Variants in VPS13B observed in about 807,000 individuals in gnomAD.
The protein encoded by VPS13B is vacuolar protein sorting 13 homolog B.
A neutral mutation model predicts 426.4 loss-of-function variants in VPS13B; 285 were observed. That is an observed-to-expected ratio of 0.67 (90% confidence interval 0.61 to 0.74). The LOEUF (loss-of-function observed/expected upper bound fraction) is 0.74. Among genes scored for constraint, VPS13B ranks in the 30% least tolerant of loss-of-function variants. The pLI is 0.00. For missense variants in VPS13B, 4,537 were observed against 4,782.6 expected, an observed-to-expected ratio of 0.95 and a Z score of 1.51; for synonymous variants, 1,676 against 1,676.4, an observed-to-expected ratio of 1.00 and a Z score of 0.01.
At chr8:99,814,144 A>C (rs1195341682) in intron 44 of VPS13B, among the ~76,000 whole-genome samples, 1 of 152,180 alleles carries the variant, frequency 6.6e-6, no homozygotes, top group Admixed American at 6.5e-5. Flanking sequence ...CCATCTAAAA[A>C]TAGTGATAAT....
At chr8:99,578,408 GT>G (rs1825874845) in intron 33 of VPS13B, among the ~76,000 whole-genome samples, 1 of 152,112 alleles carries the variant, frequency 6.6e-6, no homozygotes, top group Non-Finnish European at 1.5e-5. Context: ...AGTCAGCACT[GT>G]TTCCATTCTG....
In VPS13B at chr8:99,147,873, C is replaced by A. The variant is rs1027919525; in HGVS notation, c.1876C>A (p.Pro626Thr). Residue 626 changes from proline (P) to threonine (T), a missense_variant, in exon 14 of 62, where the codon CCT (proline) becomes ACT (threonine). Pro to Thr is a conservative substitution (Grantham distance 38). Coordinates refer to ENST00000357162, the MANE Select transcript of VPS13B (RefSeq NM_152564.5). ...IKDENETILNPEEVALLEEYI... is the reference protein window; with the variant it reads ...IKDENETILNTEEVALLEEYI... ...GGATGAAAATGAAACAATACTGAAT[C>A]CTGAAGAGGTGGCTCTTCTGGAGGA... The A allele has an allele frequency of 2.5e-6, 4 of 1,604,652 alleles. No homozygotes were observed. The highest frequency in any genetic ancestry group is 2.2e-5 in the East Asian group (1 of 44,736).
chr8:99,023,344 T>G (rs1443031588), intron 2 of VPS13B, among the ~76,000 whole-genome samples: 12 of 152,198 alleles, frequency 7.9e-5, no homozygotes, highest in Non-Finnish European at 1.3e-4. Context: ...TATGCAATAT[T>G]TGTCTTTCTG....
chr8:99,036,093 T>C (rs1842733238), intron 2 of VPS13B, among the ~76,000 whole-genome samples: 1 of 152,164 alleles, frequency 6.6e-6, no homozygotes, highest in Non-Finnish European at 1.5e-5. Context: ...TTTTGTCCAT[T>C]TCATAGGTTG....
chr8:99,865,490 C>T (rs535176047), intron 58 of VPS13B, among the ~76,000 whole-genome samples: 6 of 152,320 alleles, frequency 3.9e-5, no homozygotes, highest in East Asian at 1.9e-4. Flanking sequence ...AACAGGCCTC[C>T]GCCAGGTGAA....
At chr8:99,409,451 G>A (rs971610910) in intron 21 of VPS13B, among the ~76,000 whole-genome samples, 3 of 152,102 alleles carry the variant, frequency 2.0e-5, no homozygotes, top group African/African-American at 7.2e-5. Flanking sequence ...TTACAGGCAT[G>A]AGCCACCATG....
At chr8:99,468,396 G>T (rs1819224579) in intron 24 of VPS13B, among the ~76,000 whole-genome samples, 1 of 151,946 alleles carries the variant, frequency 6.6e-6, no homozygotes, top group South Asian at 2.1e-4. Flanking sequence ...ACAAGATACA[G>T]CATGATTGGT....
chr8:99,545,014 G>C (rs895832967), intron 30 of VPS13B, among the ~76,000 whole-genome samples: 1 of 152,078 alleles, frequency 6.6e-6, no homozygotes, highest in African/African-American at 2.4e-5. Flanking sequence ...ATTCTGTTTG[G>C]CCTTTTTATT....
intron 22 of VPS13B, among the ~76,000 whole-genome samples, chr8:99,439,067 T>G (rs957143021): frequency 6.6e-6 from 1 of 152,134 alleles, no homozygotes; most frequent in African/African-American, 2.4e-5. Context: ...ATGAAATAGC[T>G]TGTCAAATAT....
chr8:99,814,998 T>TAACAGAGA (rs1813938376), intron 44 of VPS13B, among the ~76,000 whole-genome samples: 2 of 152,112 alleles, frequency 1.3e-5, no homozygotes, highest in Non-Finnish European at 2.9e-5. Context: ...TGTTAAATTT[T>TAACAGAGA]CTCTCTGTTA....
intron 22 of VPS13B, among the ~76,000 whole-genome samples, chr8:99,435,878 A>G (rs1817343552): frequency 6.6e-6 from 1 of 152,214 alleles, no homozygotes; most frequent in South Asian, 2.1e-4. Context: ...TGAGACATCC[A>G]GGTATGTATT....
intron 19 of VPS13B, among the ~76,000 whole-genome samples, chr8:99,281,766 T>C (rs1167242916): frequency 6.6e-6 from 1 of 152,198 alleles, no homozygotes; most frequent in African/African-American, 2.4e-5. Context: ...CAGAACAATG[T>C]CGTTTCTTGG....
At chr8:99,629,686 G>A (rs1828760415) in intron 33 of VPS13B, among the ~76,000 whole-genome samples, 1 of 152,122 alleles carries the variant, frequency 6.6e-6, no homozygotes, top group Non-Finnish European at 1.5e-5. Flanking sequence ...GTGAGGTGTG[G>A]GTTAAAGAGG....
chr8:99,784,268 T>A, intron 42 of VPS13B, 47 bp from the exon 43 acceptor site: 1 of 1,613,006 alleles, frequency 6.2e-7, no homozygotes, highest in South Asian at 1.1e-5. Flanking sequence ...CCAAACATCT[T>A]ACAATTAATC....
At chr8:99,173,443 C>A (rs1440897517) in intron 16 of VPS13B, among the ~76,000 whole-genome samples, 1 of 152,104 alleles carries the variant, frequency 6.6e-6, no homozygotes, top group Non-Finnish European at 1.5e-5. Flanking sequence ...CAATAAGTAA[C>A]CTTCCAGGGC....
intron 3 of VPS13B, among the ~76,000 whole-genome samples, chr8:99,069,183 T>C (rs2132327876): frequency 6.6e-6 from 1 of 152,292 alleles, no homozygotes; most frequent in Non-Finnish European, 1.5e-5. Context: ...CTGTAATCCC[T>C]GCACATTGGG....
At chr8:99,446,440 T>C (rs1817926483) in intron 23 of VPS13B, among the ~76,000 whole-genome samples, 1 of 152,116 alleles carries the variant, frequency 6.6e-6, no homozygotes, top group South Asian at 2.1e-4. Context: ...GTTTTAAAGT[T>C]TTAATATTCG....
At chr8:99,423,468 A>G (rs974716135) in intron 21 of VPS13B, among the ~76,000 whole-genome samples, 4 of 146,650 alleles carry the variant, frequency 2.7e-5, no homozygotes, top group African/African-American at 1.0e-4. Flanking sequence ...TGGTTTTACC[A>G]TGTTAGCCAG....
chr8:99,430,469 G>A (rs1817031783), intron 21 of VPS13B, among the ~76,000 whole-genome samples: 1 of 152,000 alleles, frequency 6.6e-6, no homozygotes, highest in African/African-American at 2.4e-5. Context: ...TTATATAAAT[G>A]TATCCAGTTT....
Sources: allele counts gnomAD v4.1 joint callset (sites outside exome capture counted in the v4.1 genomes callset), GRCh38; gene constraint gnomAD v4.1.1; transcripts MANE v1.5; gene names NCBI Gene and HGNC (gene_info 2026-07-23, HGNC 2026-07-21).